Variants in LRRC4C observed in about 807,000 individuals in gnomAD.
The protein encoded by LRRC4C is leucine rich repeat containing 4C.
Under a neutral mutation model 33.6 loss-of-function variants are expected in LRRC4C, and 5 were observed. The observed-to-expected ratio is 0.15, with a 90% CI of 0.08 to 0.31. LRRC4C has a LOEUF of 0.31. LRRC4C is among the 10% of genes least tolerant of loss of function. LRRC4C has a pLI of 1.00. For synonymous variants in LRRC4C, 329 were observed against 302.0 expected, an observed-to-expected ratio of 1.09 and a Z score of -0.93; for missense variants, 560 against 796.7, an observed-to-expected ratio of 0.70 and a Z score of 3.58.
intron 1 of LRRC4C, among the ~76,000 whole-genome samples, chr11:41,034,671 AT>A (rs1856956084): frequency 6.9e-6 from 1 of 145,456 alleles, no homozygotes; most frequent in South Asian, 2.1e-4. Flanking sequence ...TATATGATAT[AT>A]ATATATGTAT....
intron 1 of LRRC4C, among the ~76,000 whole-genome samples, chr11:41,452,996 G>A (rs1956073220): frequency 6.6e-6 from 1 of 151,954 alleles, no homozygotes; most frequent in Non-Finnish European, 1.5e-5. Context: ...TAGATACTTT[G>A]TGGGCATTAT....
intron 1 of LRRC4C, among the ~76,000 whole-genome samples, chr11:41,423,518 T>C (rs1193691304): frequency 1.3e-5 from 2 of 152,204 alleles, no homozygotes; most frequent in African/African-American, 4.8e-5. Context: ...TGTCATTTAA[T>C]GGTTTTTAAC....
intron 2 of LRRC4C, among the ~76,000 whole-genome samples, chr11:40,780,058 A>G (rs1388014392): frequency 1.3e-5 from 2 of 152,180 alleles, no homozygotes; most frequent in African/African-American, 4.8e-5. Flanking sequence ...TAAGACTTAA[A>G]TAGTGTCCGT....
At chr11:40,794,622 A>G in intron 2 of LRRC4C, among the ~76,000 whole-genome samples, 1 of 152,324 alleles carries the variant, frequency 6.6e-6, no homozygotes, top group African/African-American at 2.4e-5. Flanking sequence ...ATAGGTTTCT[A>G]TCCTGCAAGT....
At chr11:40,736,788 T>A (rs1233462485) in intron 2 of LRRC4C, among the ~76,000 whole-genome samples, 5 of 152,178 alleles carry the variant, frequency 3.3e-5, no homozygotes, top group African/African-American at 1.2e-4. Flanking sequence ...ATTTCATATG[T>A]TTGTTGGCCA....
At chr11:41,176,407 C>T (rs561151511) in intron 1 of LRRC4C, among the ~76,000 whole-genome samples, 1 of 152,176 alleles carries the variant, frequency 6.6e-6, no homozygotes, top group African/African-American at 2.4e-5. Flanking sequence ...CACAATAATT[C>T]CCAGTCAATT....
chr11:40,606,151 T>C (rs1960562108), intron 3 of LRRC4C, among the ~76,000 whole-genome samples: 1 of 152,208 alleles, frequency 6.6e-6, no homozygotes, highest in South Asian at 2.1e-4. Flanking sequence ...AGCTCATTTC[T>C]TTCTAACAGG....
chr11:40,376,607 A>T (rs1438320981), intron 3 of LRRC4C, among the ~76,000 whole-genome samples: 1 of 152,162 alleles, frequency 6.6e-6, no homozygotes, highest in Non-Finnish European at 1.5e-5. Context: ...AGTGTTTGGC[A>T]TATATGAACT....
chr11:41,360,203 C>G (rs1474178465), intron 1 of LRRC4C, among the ~76,000 whole-genome samples: 1 of 152,074 alleles, frequency 6.6e-6, no homozygotes, highest in Non-Finnish European at 1.5e-5. Context: ...AACAAACAAA[C>G]AAACAGAATA....
At chr11:41,417,969 T>C (rs535610170) in intron 1 of LRRC4C, among the ~76,000 whole-genome samples, 2 of 151,184 alleles carry the variant, frequency 1.3e-5, no homozygotes, top group East Asian at 2.0e-4. Flanking sequence ...TATATACAAA[T>C]ATATACGTGT....
At chr11:40,749,442 C>CA (rs1948579923) in intron 2 of LRRC4C, among the ~76,000 whole-genome samples, 1 of 129,060 alleles carries the variant, frequency 7.7e-6, no homozygotes, top group African/African-American at 3.0e-5. Flanking sequence ...CACAATATAC[C>CA]AAAACCTATG....
chr11:40,243,009 C>T (rs1409417137), intron 4 of LRRC4C, among the ~76,000 whole-genome samples: 1 of 152,108 alleles, frequency 6.6e-6, no homozygotes, highest in Non-Finnish European at 1.5e-5. Context: ...GACAAATAAA[C>T]ATACATTTCT....
At chr11:40,472,731 GAT>G (rs1953006949) in intron 3 of LRRC4C, among the ~76,000 whole-genome samples, 1 of 151,898 alleles carries the variant, frequency 6.6e-6, no homozygotes, top group African/African-American at 2.4e-5. Flanking sequence ...AAGAAGAAAA[GAT>G]AGTATAATCA....
intron 1 of LRRC4C, among the ~76,000 whole-genome samples, chr11:41,314,804 A>C (rs1156352644): frequency 6.6e-6 from 1 of 152,184 alleles, no homozygotes; most frequent in Non-Finnish European, 1.5e-5. Context: ...TAATAATAAA[A>C]AAAAAACTAT....
intron 2 of LRRC4C, among the ~76,000 whole-genome samples, chr11:40,786,423 T>C (rs1261813836): frequency 1.3e-5 from 2 of 152,206 alleles, no homozygotes; most frequent in African/African-American, 4.8e-5. Context: ...CTTCGGGATC[T>C]TTAATGAGAC....
intron 1 of LRRC4C, among the ~76,000 whole-genome samples, chr11:41,370,095 G>A (rs551238836): frequency 6.1e-4 from 93 of 152,210 alleles, no homozygotes; most frequent in Admixed American, 4.4e-3. Context: ...CATAGACGTG[G>A]CACACTTCTT....
chr11:41,281,042 T>TTCTCTCTCTCTCTC (rs71063910), intron 1 of LRRC4C, among the ~76,000 whole-genome samples: 1,587 of 75,840 alleles, frequency 0.021, 157 homozygotes, highest in Admixed American at 0.071. Flanking sequence ...AATACATATT[T>TTCTCTCTCTCTCTC]TCTCTCTCTC....
chr11:40,795,058 C>A (rs1950771500), intron 2 of LRRC4C, among the ~76,000 whole-genome samples: 1 of 152,168 alleles, frequency 6.6e-6, no homozygotes, highest in Non-Finnish European at 1.5e-5. Context: ...AGTGTTTTAA[C>A]TGTATTTCTC....
At chr11:40,608,272 G>T (rs1372829334) in intron 3 of LRRC4C, among the ~76,000 whole-genome samples, 2 of 152,048 alleles carry the variant, frequency 1.3e-5, no homozygotes, top group Non-Finnish European at 2.9e-5. Flanking sequence ...AAAGTGTAGA[G>T]TGCTTTTATG....
Sources: allele counts gnomAD v4.1 joint callset (sites outside exome capture counted in the v4.1 genomes callset), GRCh38; gene constraint gnomAD v4.1.1; transcripts MANE v1.5; gene names NCBI Gene and HGNC (gene_info 2026-07-23, HGNC 2026-07-21).